Variants in CSMD3 observed in about 807,000 individuals in gnomAD.
The protein encoded by CSMD3 is CUB and Sushi multiple domains 3, also known as CUB and sushi domain-containing protein 3.
Under a neutral mutation model 435.2 loss-of-function variants are expected in CSMD3, and 177 were observed. The ratio of observed to expected loss-of-function variants is 0.41; its 90% CI spans 0.36 to 0.46. The LOEUF is 0.46. CSMD3 is among the 20% of genes least tolerant of loss of function. The pLI is 0.34. For synonymous variants in CSMD3, 1,656 were observed against 1,520.5 expected, an observed-to-expected ratio of 1.09 and a Z score of -2.07; for missense variants, 4,265 against 4,504.6, an observed-to-expected ratio of 0.95 and a Z score of 1.52.
intron 6 of CSMD3, among the ~76,000 whole-genome samples, chr8:113,001,652 G>A (rs2085868621): frequency 6.6e-6 from 1 of 151,854 alleles, no homozygotes; most frequent in South Asian, 2.1e-4. Context: ...TGTTTAATGT[G>A]TACTCACATA....
At chr8:112,466,988 T>C (rs1016072232) in intron 32 of CSMD3, among the ~76,000 whole-genome samples, 2 of 152,138 alleles carry the variant, frequency 1.3e-5, no homozygotes, top group Non-Finnish European at 2.9e-5. Flanking sequence ...ATAAGAAAGA[T>C]AGTGGTTGTG....
intron 30 of CSMD3, among the ~76,000 whole-genome samples, chr8:112,498,196 T>C (rs1821569627): frequency 2.0e-5 from 3 of 152,162 alleles, no homozygotes; most frequent in Admixed American, 2.0e-4. Context: ...TAGCAATACT[T>C]ACAATGCTGT....
At chr8:112,719,628 C>T (rs192920317) in intron 13 of CSMD3, among the ~76,000 whole-genome samples, 2 of 152,016 alleles carry the variant, frequency 1.3e-5, no homozygotes, top group Non-Finnish European at 2.9e-5. Flanking sequence ...TCAAAGGCCC[C>T]GTCTCCAAAT....
At chr8:113,230,222 T>C (rs959660695) in intron 3 of CSMD3, among the ~76,000 whole-genome samples, 1 of 151,720 alleles carries the variant, frequency 6.6e-6, no homozygotes, top group Non-Finnish European at 1.5e-5. Flanking sequence ...AATTGCCTTA[T>C]GCAGGTGCTG....
At chr8:113,269,601 C>A (rs1436268550) in intron 3 of CSMD3, among the ~76,000 whole-genome samples, 3 of 151,950 alleles carry the variant, frequency 2.0e-5, no homozygotes, top group Admixed American at 1.3e-4. Flanking sequence ...GGTACTGGTA[C>A]CAAAACAGAA....
At chr8:112,630,942 TCACACACACACA>T (rs5894090) in intron 22 of CSMD3, among the ~76,000 whole-genome samples, 33,808 of 140,518 alleles carry the variant, frequency 0.24, 4,157 homozygotes, top group African/African-American at 0.33. Flanking sequence ...ACATCAGTAT[TCACACACACACA>T]CACACACACA....
intron 20 of CSMD3, among the ~76,000 whole-genome samples, chr8:112,640,103 C>T (rs1169233630): frequency 6.6e-6 from 1 of 152,064 alleles, no homozygotes; most frequent in Non-Finnish European, 1.5e-5. Flanking sequence ...TGTTCCATTC[C>T]AGTGAGTATA....
chr8:113,006,100 T>C (rs2086045472), intron 6 of CSMD3, among the ~76,000 whole-genome samples: 1 of 152,046 alleles, frequency 6.6e-6, no homozygotes, highest in Admixed American at 6.6e-5. Context: ...CAATGAACTT[T>C]CCTGCAAAAC....
intron 53 of CSMD3, 122 bp downstream of exon 53, chr8:112,301,671 G>T (rs1820934100): frequency 1.4e-6 from 1 of 737,314 alleles, no homozygotes; most frequent in South Asian, 1.6e-5. Context: ...AGTATTTTCT[G>T]GTTTTTAACA....
chr8:113,186,513 G>A (rs1423639065), intron 3 of CSMD3, among the ~76,000 whole-genome samples: 2 of 151,976 alleles, frequency 1.3e-5, no homozygotes, highest in Admixed American at 6.6e-5. Context: ...TTTATAGGAC[G>A]CTTTCCCATT....
intron 22 of CSMD3, among the ~76,000 whole-genome samples, chr8:112,590,913 T>C (rs939746444): frequency 1.8e-4 from 28 of 152,210 alleles, no homozygotes; most frequent in African/African-American, 6.7e-4. Context: ...ATAAAGCCTA[T>C]GTTTGATAAT....
chr8:112,826,680 A>G (rs60652698), intron 12 of CSMD3, among the ~76,000 whole-genome samples: 2,006 of 152,160 alleles, frequency 0.013, 46 homozygotes, highest in African/African-American at 0.046. Context: ...CAGAATCTGG[A>G]TATCTCGATT....
In CSMD3 at chr8:112,304,896, G is replaced by A. The variant is rs753078472; in HGVS notation, c.8091C>T (p.Ile2697=). ...PRCVVVTCPS[I]NSFILEHGRW... ...TTCCATGTTCCAAGATAAAGGAATTGATGCTTGGACATGTAACAACTATAC... is the reference window on the plus strand; with the variant it reads ...TTCCATGTTCCAAGATAAAGGAATTAATGCTTGGACATGTAACAACTATAC... The change falls in exon 52 of 71, where the codon ATC becomes ATT. Residue 2697 remains isoleucine (I), a synonymous_variant. Coordinates refer to ENST00000297405, the MANE Select transcript of CSMD3 (RefSeq NM_198123.2). 3 of 1,613,472 alleles carry A rather than the reference G, an allele frequency of 1.9e-6. No homozygotes were observed. Among genetic ancestry groups the A allele is most frequent in the Non-Finnish European group, 2.5e-6 (3 of 1,179,756 alleles).
At chr8:113,283,610 A>G (rs2093626864) in intron 2 of CSMD3, among the ~76,000 whole-genome samples, 1 of 152,162 alleles carries the variant, frequency 6.6e-6, no homozygotes, top group Admixed American at 6.5e-5. Flanking sequence ...GTGATCAGAG[A>G]ACACGTCTAC....
At chr8:113,201,423 C>T (rs1426557933) in intron 3 of CSMD3, among the ~76,000 whole-genome samples, 1 of 151,940 alleles carries the variant, frequency 6.6e-6, no homozygotes, top group Non-Finnish European at 1.5e-5. Context: ...GTCTCTTCCA[C>T]TCCTTATGTG....
At position 112,265,505 on chromosome 8, in the gene CSMD3, C is replaced by T. The variant is rs1816856463; in HGVS notation, c.9594G>A (p.Met3198Ile). The T allele has an allele frequency of 1.2e-6, 2 of 1,613,440 alleles. No homozygotes were observed. The change falls in exon 60 of 71, where the codon ATG becomes ATA. Residue 3198 changes from methionine (M) to isoleucine (I), a missense_variant. Transcript: ENST00000297405. The part of the protein sequence containing the change: ...DYVVGQNVSY[M>I]CQPGYTMELN... Reference sequence around the variant, plus strand: ...ATTCCATCGTGTAGCCTGGCTGGCACATGTAAGAAACATTTTGTCCAACCA... The same window carrying T: ...ATTCCATCGTGTAGCCTGGCTGGCATATGTAAGAAACATTTTGTCCAACCA...
chr8:113,041,780 G>A (rs866718969), intron 5 of CSMD3, among the ~76,000 whole-genome samples: 23 of 151,910 alleles, frequency 1.5e-4, no homozygotes, highest in African/African-American at 2.2e-4. Context: ...TTTCTATTCA[G>A]AAATTAAATG....
chr8:112,605,468 T>C (rs956120820), intron 22 of CSMD3, among the ~76,000 whole-genome samples: 3 of 152,110 alleles, frequency 2.0e-5, no homozygotes, highest in Non-Finnish European at 2.9e-5. Context: ...GAACTCATGT[T>C]CTCTGCAACA....
At chr8:113,403,046 C>T (rs1034930795) in intron 1 of CSMD3, among the ~76,000 whole-genome samples, 3 of 151,218 alleles carry the variant, frequency 2.0e-5, no homozygotes, top group African/African-American at 4.8e-5. Flanking sequence ...ATTTTTCAGT[C>T]CTTACTCTGA....
Sources: allele counts gnomAD v4.1 joint callset (sites outside exome capture counted in the v4.1 genomes callset), GRCh38; gene constraint gnomAD v4.1.1; transcripts MANE v1.5; gene names NCBI Gene and HGNC (gene_info 2026-07-23, HGNC 2026-07-21).